Variants in MCF2L2 observed in about 807,000 individuals in gnomAD.
The protein encoded by MCF2L2 is probable guanine nucleotide exchange factor MCF2L2.
In MCF2L2, 102 loss-of-function variants were observed where a neutral mutation model predicts 150.2. That is an observed-to-expected ratio of 0.68 (90% confidence interval 0.58 to 0.80). MCF2L2 has a LOEUF of 0.80. Among genes scored for constraint, MCF2L2 ranks in the 30% least tolerant of loss-of-function variants. The pLI is 0.00. For missense variants in MCF2L2, 1,256 were observed against 1,372.8 expected, an observed-to-expected ratio of 0.91 and a Z score of 1.34; for synonymous variants, 465 against 491.3, an observed-to-expected ratio of 0.95 and a Z score of 0.71.
intron 5 of MCF2L2, among the ~76,000 whole-genome samples, chr3:183,334,793 C>CTAA (rs1730406965): frequency 1.1e-5 from 1 of 88,552 alleles, no homozygotes; most frequent in African/African-American, 3.3e-5. Context: ...AACTCCATTT[C>CTAA]AAAAAAAAAA....
At chr3:183,296,789 G>A (rs961402221) in intron 12 of MCF2L2, 187 bp downstream of exon 12, 24 of 578,962 alleles carry the variant, frequency 4.1e-5, no homozygotes, top group African/African-American at 3.7e-4. Flanking sequence ...TGAGTCAGAC[G>A]AAGACTCAGT....
At chr3:183,368,936 A>C (rs1334272827) in intron 3 of MCF2L2, among the ~76,000 whole-genome samples, 1 of 152,216 alleles carries the variant, frequency 6.6e-6, no homozygotes, top group Non-Finnish European at 1.5e-5. Context: ...GAAATTCATA[A>C]AGATTATTCA....
chr3:183,311,292 A>T (rs146197126), intron 8 of MCF2L2, among the ~76,000 whole-genome samples: 4 of 152,126 alleles, frequency 2.6e-5, no homozygotes, highest in Admixed American at 2.0e-4. Flanking sequence ...GCTCCGGCTG[A>T]TCTTACCTTC....
At chr3:183,392,948 C>T (rs1353407625) in intron 1 of MCF2L2, among the ~76,000 whole-genome samples, 1 of 152,218 alleles carries the variant, frequency 6.6e-6, no homozygotes, top group East Asian at 1.9e-4. Flanking sequence ...CAGATTCAGA[C>T]AGGCTTGCAT....
chr3:183,389,096 T>C (rs1269994648), intron 2 of MCF2L2, among the ~76,000 whole-genome samples: 2 of 152,200 alleles, frequency 1.3e-5, no homozygotes, highest in African/African-American at 2.4e-5. Context: ...CTTCTAGTTT[T>C]AGTAATTAAA....
chr3:183,264,243 A>C (rs1012732973), intron 15 of MCF2L2, among the ~76,000 whole-genome samples: 1 of 152,110 alleles, frequency 6.6e-6, no homozygotes, highest in African/African-American at 2.4e-5. Context: ...TTCTTGTCTA[A>C]AACAAAGATT....
chr3:183,320,440 C>A (rs1402229417), intron 6 of MCF2L2, among the ~76,000 whole-genome samples: 1 of 152,168 alleles, frequency 6.6e-6, no homozygotes, highest in East Asian at 1.9e-4. Context: ...TTCTGGATAA[C>A]TTGCTGCAGC....
chr3:183,280,529 G>T (rs962689792), intron 14 of MCF2L2, among the ~76,000 whole-genome samples: 1 of 152,026 alleles, frequency 6.6e-6, no homozygotes, highest in Admixed American at 6.6e-5. Context: ...TGTAGAAAGT[G>T]ATTTCAGTTC....
chr3:183,300,823 C>T (rs534993942), intron 10 of MCF2L2, among the ~76,000 whole-genome samples: 1 of 151,830 alleles, frequency 6.6e-6, no homozygotes, highest in South Asian at 2.1e-4. Context: ...TCAAGACGCG[C>T]CTGACCAACG....
At position 183,257,080 on chromosome 3, in the gene MCF2L2, C is replaced by T. The variant is rs117897013; in HGVS notation, c.1862+19792G>A. ...AAACCTGAAAAAAAAATCAGCCATC[C>T]ATTAACTAACCCATCCTGGTAAAGC... On this transcript the variant is annotated intron_variant, in intron 15 of 29. Coordinates refer to ENST00000328913, the MANE Select transcript of MCF2L2 (RefSeq NM_015078.4). Among the ~76,000 whole-genome samples the T allele has an allele frequency of 1.4e-4, 22 of 152,226 alleles. No homozygotes were observed. The East Asian group carries it at 3.9e-3, about 27-fold the overall frequency.
At chr3:183,360,100 G>A (rs1413294430) in intron 3 of MCF2L2, among the ~76,000 whole-genome samples, 5 of 152,176 alleles carry the variant, frequency 3.3e-5, no homozygotes, top group African/African-American at 4.8e-5. Flanking sequence ...GCAGAAAAAC[G>A]TGCCTAGAAG....
chr3:183,417,850 T>A (rs1022803943), intron 1 of MCF2L2, among the ~76,000 whole-genome samples: 2 of 152,146 alleles, frequency 1.3e-5, no homozygotes, highest in Non-Finnish European at 2.9e-5. Context: ...GCAAAGCATA[T>A]GTTTACAGGG....
intron 3 of MCF2L2, among the ~76,000 whole-genome samples, chr3:183,350,427 C>T (rs1276956941): frequency 6.6e-6 from 1 of 152,058 alleles, no homozygotes; most frequent in Admixed American, 6.6e-5. Context: ...TTTTACCCCT[C>T]TTGTTCTTTT....
chr3:183,182,578 G>C (rs569105548), intron 27 of MCF2L2: 1 of 153,000 alleles, frequency 6.5e-6, no homozygotes, highest in Non-Finnish European at 1.5e-5. Flanking sequence ...AAGCAGGAGG[G>C]GGGGCTGCGG....
At position 183,295,380 on chromosome 3, in the gene MCF2L2, C is replaced by T. The variant is rs766661114; in HGVS notation, c.1595G>A (p.Arg532His). 2 of 1,614,050 alleles carry T rather than the reference C, an allele frequency of 1.2e-6. No individual in the cohort carries two copies. The highest frequency in any genetic ancestry group is 8.5e-7 in the Non-Finnish European group (1 of 1,179,956). ...ATGTGGGGCCACAGGTTGCACTGGA[C>T]GAGTCTGTTTGGCTGCCAGTTTCAT... ...SLMKLAAKQTRPVQPVAPHPE... is the reference protein window; with the variant it reads ...SLMKLAAKQTHPVQPVAPHPE... Residue 532 changes from arginine to histidine, a missense_variant, in exon 13 of 30, where the codon CGT (arginine) becomes CAT (histidine). Physicochemically the swap from Arg to His is conservative, Grantham distance 29. Transcript: ENST00000328913.
chr3:183,257,958 C>CTTTTTTTTTTTTTTTTTTTTTT (rs35323502), intron 15 of MCF2L2, among the ~76,000 whole-genome samples: 1 of 64,724 alleles, frequency 1.5e-5, no homozygotes, highest in African/African-American at 6.9e-5. Context: ...CCACTTCACC[C>CTTTTTTTTTTTTTTTTTTTTTT]TTTTTTTTTT....
chr3:183,196,968 T>C (rs962282140), intron 25 of MCF2L2, among the ~76,000 whole-genome samples: 2 of 152,158 alleles, frequency 1.3e-5, no homozygotes, highest in African/African-American at 4.8e-5. Flanking sequence ...TTGTCTTTTT[T>C]TGCAGGGCCA....
chr3:183,325,541 T>C (rs1274184505), intron 5 of MCF2L2, among the ~76,000 whole-genome samples: 4 of 152,224 alleles, frequency 2.6e-5, no homozygotes, highest in South Asian at 2.1e-4. Context: ...TTAAAAGGTA[T>C]TTATTCTTTC....
At chr3:183,234,687 C>CTTTTTT (rs71185647) in intron 15 of MCF2L2, among the ~76,000 whole-genome samples, 1,083 of 84,028 alleles carry the variant, frequency 0.013, 19 homozygotes, top group African/African-American at 0.044. Context: ...ATGTATGACT[C>CTTTTTT]TTTTTTTTTT....
Sources: allele counts gnomAD v4.1 joint callset (sites outside exome capture counted in the v4.1 genomes callset), GRCh38; gene constraint gnomAD v4.1.1; transcripts MANE v1.5; gene names NCBI Gene and HGNC (gene_info 2026-07-23, HGNC 2026-07-21).